The following ZNF772 variants were observed in gnomAD, a reference collection of about 807,000 sequenced individuals.
ZNF772 encodes zinc finger protein 772.
A neutral mutation model predicts 11.0 loss-of-function variants in ZNF772; 8 were observed. The observed-to-expected ratio is 0.73, with a 90% CI of 0.43 to 1.31. The LOEUF (loss-of-function observed/expected upper bound fraction) is 1.31. Ranked by LOEUF, ZNF772 falls within the 50% of genes most tolerant of loss-of-function variation. ZNF772 has a pLI of 0.01. For missense variants in ZNF772, 496 were observed against 552.3 expected, an observed-to-expected ratio of 0.90 and a Z score of 1.02; for synonymous variants, 155 against 180.4, an observed-to-expected ratio of 0.86 and a Z score of 1.13.
chr19:57,476,595 G>A, intron 2 of ZNF772, 39 bp downstream of exon 2: 1 of 1,608,036 alleles, frequency 6.2e-7, no homozygotes, highest in Non-Finnish European at 8.5e-7. Context: ...GTATTGGGTG[G>A]GGGTGGGATC....
intron 1 of ZNF772, among the ~76,000 whole-genome samples, 189 bp from the exon 2 acceptor site, chr19:57,476,861 C>T (rs183300474): frequency 2.8e-4 from 43 of 152,336 alleles, no homozygotes; most frequent in Admixed American, 1.0e-3. Flanking sequence ...GCCCCCATGG[C>T]CAACAAGAGT....
rs2089212159 is a variant in ZNF772 at position 57,471,352 on chromosome 19, A to G, written c.*1922T>C. The G allele has an allele frequency of 6.6e-6, 1 of 151,986 alleles. No homozygotes were observed. Among genetic ancestry groups the G allele is most frequent in the Non-Finnish European group, 1.5e-5 (1 of 67,978 alleles). The allele number at this position is 151,986 out of a possible 1,614,324, so 9.4% of individuals were successfully genotyped here. The stretch of plus-strand genomic sequence containing the variant: ...AAAAAACAAAACAAAACAAAACAAA[A>G]TAGCAAATCAAATTCAACAATATAC... On this transcript the variant is annotated 3_prime_UTR_variant, in exon 4 of 4. Transcript: ENST00000356584.
intron 3 of ZNF772, 144 bp from the exon 4 acceptor site, chr19:57,474,565 T>C (rs1293608708): frequency 8.9e-6 from 7 of 784,414 alleles, no homozygotes; most frequent in African/African-American, 5.4e-5. Context: ...GTTCAGCAAA[T>C]GTGTACTATA....
Position 57,475,881 on chromosome 19 carries a change from C to G in ZNF772, c.73-95G>C. 6.7e-7 allele frequency: 1 copy of G among 1,488,016 alleles called. No homozygotes were observed. The highest frequency in any genetic ancestry group is 9.0e-7 in the Non-Finnish European group (1 of 1,109,428). 92.2% of individuals were successfully genotyped at this position (1,488,016 alleles called of 1,614,324 possible). A position where few individuals can be genotyped will look rare whatever the true frequency, so the allele number is the denominator to read the frequency against. ...CATCTCCCTCCTGTACACCCTCCTA[C>G]CTAACTCCTCAACTCAGGAAATATC... On this transcript the variant is annotated intron_variant, in intron 2 of 3. Coordinates refer to ENST00000356584, the MANE Select transcript of ZNF772 (RefSeq NM_001144068.2). The surrounding 1 kb of genome is among the most constrained non-coding windows in gnomAD (Gnocchi z 4.2).
At chr19:57,476,518 T>A (rs1487528075) in intron 2 of ZNF772, 116 bp downstream of exon 2, 1 of 1,312,452 alleles carries the variant, frequency 7.6e-7, no homozygotes, top group Non-Finnish European at 1.1e-6. Context: ...TTCTCCAGAG[T>A]CCTCAGACCC....
Position 57,473,155 on chromosome 19 carries a change from G to T in ZNF772, c.*119C>A. ...GCACTCGGAAGAACCTCCCCAGGGTGAGTGTTTGAGTGTATAAAGTTCTAC... is the reference window on the plus strand; with the variant it reads ...GCACTCGGAAGAACCTCCCCAGGGTTAGTGTTTGAGTGTATAAAGTTCTAC... On this transcript the variant is annotated 3_prime_UTR_variant, in exon 4 of 4. Coordinates refer to ENST00000356584, the MANE Select transcript of ZNF772 (RefSeq NM_001144068.2). The T allele has an allele frequency of 1.0e-6, 1 of 969,990 alleles. No homozygotes were observed. The highest frequency in any genetic ancestry group is 1.5e-6 in the Non-Finnish European group (1 of 670,156). The allele number at this position is 969,990 out of a possible 1,614,324, so 60.1% of individuals were successfully genotyped here.
rs1252065935 is a variant in ZNF772 at position 57,473,884 on chromosome 19, A to G, written c.737T>C (p.Val246Ala). The G allele has an allele frequency of 6.2e-7, 1 of 1,614,042 alleles. No homozygotes were observed. The highest frequency in any genetic ancestry group is 1.1e-5 in the South Asian group (1 of 91,076). The change falls in exon 4 of 4, where the codon GTC (valine) becomes GCC (alanine). Residue 246 changes from valine (V) to alanine (A), a missense_variant. Val to Ala is a moderately conservative substitution (Grantham distance 64). Coordinates refer to ENST00000356584, the MANE Select transcript of ZNF772 (RefSeq NM_001144068.2). Reference sequence around the variant, plus strand: ...CTCATAAGGCCTTTCTCCAGTGTGGACTCTCTGGTGTTGAACAAGTGAGTC... The same window carrying G: ...CTCATAAGGCCTTTCTCCAGTGTGGGCTCTCTGGTGTTGAACAAGTGAGTC... ...RKDSLVQHQR[V>A]HTGERPYECG... is the part of the protein sequence containing the mutation.
Position 57,473,550 on chromosome 19 carries a change from A to G in ZNF772, c.1071T>C (p.Ser357=), listed in dbSNP as rs2074058. The G allele has an allele frequency of 0.32, 511,774 of 1,612,468 alleles. 86,584 individuals carry two copies. The highest frequency in any genetic ancestry group is 0.62 in the East Asian group (28,017 of 44,830). The change falls in exon 4 of 4, where the codon AGT becomes AGC. Residue 357 remains serine (S), a synonymous_variant. Coordinates refer to ENST00000356584, the MANE Select transcript of ZNF772 (RefSeq NM_001144068.2). ...CATAAGGCCTTGCTCCAGTATGAAC[A>G]CTCCAATGTTTAATGAGTCTGTATT... ...GHKYRLIKHW[S]VHTGARPYEC... is the part of the protein sequence containing the mutation.
At position 57,477,325 on chromosome 19, in the gene ZNF772, C is replaced by CG; in HGVS notation, c.-17dup. On this transcript the variant is annotated 5_prime_UTR_variant, in exon 1 of 4. Coordinates refer to ENST00000356584, the MANE Select transcript of ZNF772 (RefSeq NM_001144068.2). ...CCGCCGCCATCAGGCCTGTGGACTA[C>CG]GGAAGGGTGGCGACAAGTGCAGGAA... 2 of 1,613,336 alleles carry CG rather than the reference C, an allele frequency of 1.2e-6. No homozygotes were observed. The highest frequency in any genetic ancestry group is 1.7e-6 in the Non-Finnish European group (2 of 1,179,712).
chr19:57,473,815 G>GC lies in ZNF772; in HGVS notation c.805dup (p.Ala269GlyfsTer14), dbSNP rs1266651313. 6.2e-7 allele frequency: 1 copy of GC among 1,612,810 alleles called. No individual in the cohort carries two copies. Among genetic ancestry groups the GC allele is most frequent in the South Asian group, 1.1e-5 (1 of 91,006 alleles). On this transcript the variant is annotated frameshift_variant, in exon 4 of 4. Coordinates refer to ENST00000356584, the MANE Select transcript of ZNF772 (RefSeq NM_001144068.2). LOFTEE classifies it low-confidence loss of function (END_TRUNC). ...TCCAGTGTGGATTCTCTGGTGCTGA[G>GC]CAAGTATGGGTTTGCGGCTAAAGGT...
In ZNF772 at chr19:57,475,804, G is replaced by A. The variant is rs374750811; in HGVS notation, c.73-18C>T. Reference sequence around the variant, plus strand: ...ACCTGCCCCTGCCACAATCAGGAGAGCCAAGTCCATGAGCAGCATCTCTCC... The same window carrying A: ...ACCTGCCCCTGCCACAATCAGGAGAACCAAGTCCATGAGCAGCATCTCTCC... On this transcript the variant is annotated intron_variant, in intron 2 of 3. Coordinates refer to ENST00000356584, the MANE Select transcript of ZNF772 (RefSeq NM_001144068.2). The surrounding 1 kb of genome is among the most constrained non-coding windows in gnomAD (Gnocchi z 4.2). 2.5e-6 allele frequency: 4 copies of A among 1,584,484 alleles called. No homozygotes were observed. Among genetic ancestry groups the A allele is most frequent in the Non-Finnish European group, 3.4e-6 (4 of 1,165,460 alleles).
rs768009618 is a variant in ZNF772, at chr19:57,473,136, G to A, written c.*138C>T. On this transcript the variant is annotated 3_prime_UTR_variant, in exon 4 of 4. Coordinates refer to ENST00000356584, the MANE Select transcript of ZNF772 (RefSeq NM_001144068.2). Reference sequence around the variant, plus strand: ...AAGGCTTCCCATATAGCTGGCACTCGGAAGAACCTCCCCAGGGTGAGTGTT... The same window carrying A: ...AAGGCTTCCCATATAGCTGGCACTCAGAAGAACCTCCCCAGGGTGAGTGTT... 3.9e-5 allele frequency: 33 copies of A among 841,638 alleles called. No homozygotes were observed. The highest frequency in any genetic ancestry group is 5.9e-5 in the South Asian group (3 of 50,450). The allele number at this position is 841,638 out of a possible 1,614,324, so 52.1% of individuals were successfully genotyped here.
rs2089230411 is a variant in ZNF772 at position 57,472,765 on chromosome 19, G to A, written c.*509C>T. 1 of 157,128 alleles carries A rather than the reference G, an allele frequency of 6.4e-6. No homozygotes were observed. The highest frequency in any genetic ancestry group is 1.4e-5 in the Non-Finnish European group (1 of 71,164). 9.7% of individuals were successfully genotyped at this position (157,128 alleles called of 1,614,324 possible). On this transcript the variant is annotated 3_prime_UTR_variant, in exon 4 of 4. Transcript: ENST00000356584. ...CCAATTTCAGGTCAGGTGTCTTGAA[G>A]GCTAGAAAAATTCGTCCCAAGTGCC...
intron 3 of ZNF772, chr19:57,474,921 A>C (rs1600120115): frequency 2.0e-6 from 3 of 1,521,718 alleles, no homozygotes; most frequent in African/African-American, 1.4e-5. Context: ...CCAGAGTATG[A>C]AAGGCCAGTG....
chr19:57,474,326 T>C lies in ZNF772; in HGVS notation c.295A>G (p.Thr99Ala). Residue 99 changes from threonine to alanine, a missense_variant, in exon 4 of 4, where the codon ACT becomes GCT. Coordinates refer to ENST00000356584, the MANE Select transcript of ZNF772 (RefSeq NM_001144068.2). ...QIRIPKGGPS[T>A]QKAYPCGTCG... ...GTCCCACAGGGGTAAGCCTTCTGAG[T>C]AGAAGGACCTCCCTTGGGAATCCTG... 1 of 1,613,962 alleles carries C rather than the reference T, an allele frequency of 6.2e-7. No individual in the cohort carries two copies. The highest frequency in any genetic ancestry group is 8.5e-7 in the Non-Finnish European group (1 of 1,179,974).
At chr19:57,477,200 C>T (rs1312087103) in intron 1 of ZNF772, 77 bp downstream of exon 1, 1 of 1,599,588 alleles carries the variant, frequency 6.3e-7, no homozygotes, top group Non-Finnish European at 8.5e-7. Context: ...GCTGCAGTAA[C>T]CCGAGGAATC....
At chr19:57,474,775 G>T (rs1175118251) in intron 3 of ZNF772, among the ~76,000 whole-genome samples, 1 of 152,228 alleles carries the variant, frequency 6.6e-6, no homozygotes, top group African/African-American at 2.4e-5. Flanking sequence ...AGTAGTTGGT[G>T]TTTAAGGACT....
At chr19:57,477,215 A>C in intron 1 of ZNF772, 62 bp downstream of exon 1, 1 of 1,609,512 alleles carries the variant, frequency 6.2e-7, no homozygotes, top group East Asian at 2.2e-5. Context: ...GGAATCGTTC[A>C]TTCGAAGCTT....
In ZNF772 at chr19:57,477,386, T is replaced by G. The variant is rs375878959; in HGVS notation, c.-77A>C. ...GCTGTCCAGGGCCCAGCCCAGCGGC[T>G]AGGTCACTCAGGCAGCGCCACTGTC... On this transcript the variant is annotated 5_prime_UTR_variant, in exon 1 of 4. Transcript: ENST00000356584. 17 of 1,553,214 alleles carry G rather than the reference T, an allele frequency of 1.1e-5. No individual in the cohort carries two copies. Among genetic ancestry groups the G allele is most frequent in the Admixed American group, 1.8e-5 (1 of 56,738 alleles).
Sources: gnomAD v4.1 joint callset for allele counts (sites outside exome capture counted in the v4.1 genomes callset) on GRCh38, gnomAD v4.1.1 for gene constraint, Gnocchi (gnomAD v3.1) non-coding constraint, MANE v1.5 for transcripts, NCBI Gene and HGNC (gene_info 2026-07-23, HGNC 2026-07-21) for gene names.